The following KLHL4 variants were observed in gnomAD, a reference collection of about 807,000 sequenced individuals.
KLHL4 encodes the protein kelch like family member 4.
A neutral mutation model predicts 45.8 loss-of-function variants in KLHL4; 17 were observed. The ratio of observed to expected loss-of-function variants is 0.37; its 90% CI spans 0.25 to 0.56. KLHL4 has a LOEUF of 0.56. KLHL4 is among the 20% of genes least tolerant of loss of function. The pLI is 0.79. For missense variants in KLHL4, 544 were observed against 544.9 expected (o/e 1.00, Z 0.02); for synonymous variants, 224 against 189.9 (o/e 1.18, Z -1.47).
rs1924379750 is a variant in KLHL4, at chrX:87,666,667, T to C, written c.*133T>C. 2.0e-6 allele frequency: 2 copies of C among 1,002,387 alleles called. No individual in the cohort carries two copies. Among genetic ancestry groups the C allele is most frequent in the African/African-American group, 3.9e-5 (2 of 51,056 alleles). The allele number at this position is 1,002,387 out of a possible 1,213,427, so 82.6% of individuals were successfully genotyped here. A position where few individuals can be genotyped will look rare whatever the true frequency, so the allele number is the denominator to read the frequency against. On this transcript the variant is annotated 3_prime_UTR_variant, in exon 11 of 11. Transcript: ENST00000373119. ...CTGGAAAATTGTTGTATCATTTTAA[T>C]TTGTAGTTACAATTGCTTTCATTCG...
chrX:87,570,804 T>C lies in KLHL4; in HGVS notation c.423-43073T>C, dbSNP rs1038977552. Among the ~76,000 whole-genome samples, 3 of 110,973 alleles carry C rather than the reference T, an allele frequency of 2.7e-5. No homozygotes were observed. In the South Asian group the frequency reaches 1.1e-3, roughly 42 times the overall value. ...CAATGTGAAGGCGAAGTGTATGAAA[T>C]AGGTGATGAAATAAGTATAGAAGTT... On this transcript the variant is annotated intron_variant, in intron 1 of 10. Transcript: ENST00000373119.
Position 87,601,902 on chromosome X carries a change from A to G in KLHL4, c.423-11975A>G, listed in dbSNP as rs193193248. Among the ~76,000 whole-genome samples, 750 of 111,638 alleles carry G rather than the reference A, an allele frequency of 6.7e-3. 4 individuals are homozygous for G. The highest frequency in any genetic ancestry group is 9.7e-3 in the Non-Finnish European group (514 of 53,115). ...TAGTCAACTACATACTGAGTATACC[A>G]TGGTAGTCCCATGAAACCTGAACAA... On this transcript the variant is annotated intron_variant, in intron 1 of 10. Coordinates refer to ENST00000373119, the MANE Select transcript of KLHL4 (RefSeq NM_019117.5).
Position 87,666,836 on chromosome X carries a change from G to A in KLHL4, c.*302G>A, listed in dbSNP as rs1324510646. On this transcript the variant is annotated 3_prime_UTR_variant, in exon 11 of 11. Transcript: ENST00000373119. ...GCTAAAATATTTAATGAAAATTGAT[G>A]GTGGCCACAGTGTGCAGGTTATAAA... 4 of 787,880 alleles carry A rather than the reference G, an allele frequency of 5.1e-6. No individual in the cohort carries two copies. In the East Asian group the frequency reaches 3.6e-4, roughly 72 times the overall value. The allele number at this position is 787,880 out of a possible 1,213,427, so 64.9% of individuals were successfully genotyped here.
intron 9 of KLHL4, among the ~76,000 whole-genome samples, chrX:87,654,627 G>T (rs1354155812): frequency 9.0e-6 from 1 of 111,421 alleles, no homozygotes; most frequent in Non-Finnish European, 1.9e-5. Flanking sequence ...GTATCTTTTG[G>T]TGTAATGATG....
At chrX:87,588,740 G>A (rs1465248477) in intron 1 of KLHL4, among the ~76,000 whole-genome samples, 3 of 110,428 alleles carry the variant, frequency 2.7e-5, no homozygotes, top group Admixed American at 9.7e-5. Context: ...TGGTCTGAGC[G>A]AAAATTTCTT....
At chrX:87,553,327 C>A (rs1049300846) in intron 1 of KLHL4, among the ~76,000 whole-genome samples, 1 of 110,315 alleles carries the variant, frequency 9.1e-6, no homozygotes, top group Non-Finnish European at 1.9e-5. Flanking sequence ...CAAATGTTAT[C>A]AATCAATAAT....
At chrX:87,651,722 C>T (rs914130872) in intron 9 of KLHL4, among the ~76,000 whole-genome samples, 1 of 112,142 alleles carries the variant, frequency 8.9e-6, no homozygotes, top group Admixed American at 9.4e-5. Context: ...AAGGGTACAG[C>T]CTCCCTCCCA....
intron 1 of KLHL4, among the ~76,000 whole-genome samples, chrX:87,605,628 G>T (rs75474853): frequency 0.19 from 20,638 of 109,925 alleles, 1,444 homozygotes; most frequent in Non-Finnish European, 0.21. Context: ...ACAGATTTTT[G>T]TGTAGTCTTT....
At position 87,669,582 on chromosome X, in the gene KLHL4, G is replaced by T; in HGVS notation, c.*3048G>T. ...TTCTCTAACAAGACTCCTACCTTGA[G>T]ATCTTAGTCTAGGTAAAGAAAAAAA... On this transcript the variant is annotated 3_prime_UTR_variant, in exon 11 of 11. Coordinates refer to ENST00000373119, the MANE Select transcript of KLHL4 (RefSeq NM_019117.5). The T allele has an allele frequency of 5.4e-6, 2 of 372,671 alleles. No homozygotes were observed. The highest frequency in any genetic ancestry group is 8.5e-6 in the Non-Finnish European group (2 of 236,192). 30.7% of individuals were successfully genotyped at this position (372,671 alleles called of 1,213,427 possible). A position where few individuals can be genotyped will look rare whatever the true frequency, so the allele number is the denominator to read the frequency against.
At chrX:87,636,960 A>C (rs191114058) in intron 9 of KLHL4, among the ~76,000 whole-genome samples, 5 of 111,578 alleles carry the variant, frequency 4.5e-5, no homozygotes, top group African/African-American at 1.6e-4. Flanking sequence ...GCCTAAGCCT[A>C]AGGCAAAGTT....
At chrX:87,630,580 C>T (rs1923065654) in intron 6 of KLHL4, among the ~76,000 whole-genome samples, 2 of 110,476 alleles carry the variant, frequency 1.8e-5, no homozygotes, top group African/African-American at 3.3e-5. Context: ...CAGAAGTTTC[C>T]CTGTTGTGCA....
chrX:87,549,408 C>G (rs942355256), intron 1 of KLHL4, among the ~76,000 whole-genome samples: 2 of 111,378 alleles, frequency 1.8e-5, no homozygotes, highest in African/African-American at 6.5e-5. Flanking sequence ...TTAATCTGTA[C>G]TATAAACTGA....
chrX:87,624,035 C>T (rs1404680607), intron 5 of KLHL4, among the ~76,000 whole-genome samples: 1 of 112,349 alleles, frequency 8.9e-6, no homozygotes, highest in Non-Finnish European at 1.9e-5. Context: ...TTAACAATTT[C>T]TCCTTGTGAT....
chrX:87,661,809 T>C (rs1000780523), intron 9 of KLHL4, among the ~76,000 whole-genome samples: 6 of 111,811 alleles, frequency 5.4e-5, no homozygotes, highest in Non-Finnish European at 1.1e-4. Context: ...AGTATAGTAG[T>C]TAAACACATC....
intron 4 of KLHL4, 42 bp from the exon 5 acceptor site, chrX:87,622,169 T>G: frequency 5.3e-6 from 5 of 942,864 alleles, no homozygotes; most frequent in Non-Finnish European, 7.6e-6. Flanking sequence ...ATTAAGAAAT[T>G]TCTAAAGTGC....
intron 1 of KLHL4, among the ~76,000 whole-genome samples, chrX:87,574,853 C>T (rs756541990): frequency 9.0e-6 from 1 of 111,538 alleles, no homozygotes; most frequent in African/African-American, 3.3e-5. Context: ...GGTGATATAA[C>T]GAAATAACAT....
At chrX:87,641,968 G>A (rs1026763498) in intron 9 of KLHL4, among the ~76,000 whole-genome samples, 1 of 104,485 alleles carries the variant, frequency 9.6e-6, no homozygotes, top group Non-Finnish European at 2.0e-5. Flanking sequence ...CCTGGTAGCA[G>A]AAGACAAAGG....
chrX:87,667,392 T>G lies in KLHL4; in HGVS notation c.*858T>G. 1.4e-6 allele frequency: 1 copy of G among 705,543 alleles called. No homozygotes were observed. The highest frequency in any genetic ancestry group is 1.7e-6 in the Non-Finnish European group (1 of 595,031). 58.1% of individuals were successfully genotyped at this position (705,543 alleles called of 1,213,427 possible). A position where few individuals can be genotyped will look rare whatever the true frequency, so the allele number is the denominator to read the frequency against. On this transcript the variant is annotated 3_prime_UTR_variant, in exon 11 of 11. Transcript: ENST00000373119. ...ATGTTAACTCTATAAACAAATATCG[T>G]TAAGTTAAACAAGTTTTCAAAAACA...
At chrX:87,661,727 A>T (rs1924195056) in intron 9 of KLHL4, among the ~76,000 whole-genome samples, 1 of 112,194 alleles carries the variant, frequency 8.9e-6, no homozygotes, top group Non-Finnish European at 1.9e-5. Flanking sequence ...ACTAATTTTT[A>T]AAATTCTCAT....
Sources: allele counts gnomAD v4.1 joint callset (sites outside exome capture counted in the v4.1 genomes callset), GRCh38; gene constraint gnomAD v4.1.1; transcripts MANE v1.5; gene names NCBI Gene and HGNC (gene_info 2026-07-23, HGNC 2026-07-21).